The following ZFAND4 variants were observed in gnomAD, a reference collection of about 807,000 sequenced individuals.
ZFAND4 encodes AN1-type zinc finger protein 4.
A neutral mutation model predicts 64.4 loss-of-function variants in ZFAND4; 43 were observed. That is an observed-to-expected ratio of 0.67 (90% CI 0.52 to 0.86). ZFAND4 has a LOEUF of 0.86. ZFAND4 is among the 40% of genes least tolerant of loss of function. The probability of loss-of-function intolerance (pLI) is 0.00; values close to 1 mark genes in which losing one functional copy is unlikely to be tolerated. For synonymous variants in ZFAND4, 296 were observed against 305.7 expected (o/e 0.97, Z 0.33); for missense variants, 929 against 859.8 (o/e 1.08, Z -1.01).
intron 2 of ZFAND4, among the ~76,000 whole-genome samples, chr10:45,659,569 C>A (rs1351244840): frequency 2.0e-5 from 3 of 151,822 alleles, no homozygotes; most frequent in Admixed American, 6.6e-5. Flanking sequence ...TGGTTTTCAA[C>A]TAAAAATTAC....
intron 2 of ZFAND4, chr10:45,662,455 A>T: frequency 3.2e-6 from 1 of 308,712 alleles, no homozygotes; most frequent in Non-Finnish European, 4.7e-6. Flanking sequence ...AGAGATAAAA[A>T]GTACAGAGAT....
chr10:45,637,251 G>A (rs1200275736), intron 6 of ZFAND4, among the ~76,000 whole-genome samples: 1 of 147,160 alleles, frequency 6.8e-6, no homozygotes, highest in Non-Finnish European at 1.5e-5. Flanking sequence ...TGAGGCACGA[G>A]AATCACTTGA....
Position 45,639,877 on chromosome 10 carries a change from A to T in ZFAND4, c.656T>A (p.Ile219Lys), listed in dbSNP as rs1438371921. ...SSGQQIIENS[I>K]TMNKMKLLKA... The stretch of plus-strand genomic sequence containing the variant: ...CAGCAGCTTCATCTTATTCATAGTT[A>T]TTGAATTTTCAATTATCTGTTGCCC... The change falls in exon 6 of 10, where the codon ATA (isoleucine) becomes AAA (lysine). Residue 219 changes from isoleucine to lysine, a missense_variant. Ile to Lys is a moderately radical substitution (Grantham distance 102). Transcript: ENST00000344646. 14 of 1,613,396 alleles carry T rather than the reference A, an allele frequency of 8.7e-6. No individual in the cohort carries two copies. Among genetic ancestry groups the T allele is most frequent in the Non-Finnish European group, 1.2e-5 (14 of 1,179,890 alleles).
At chr10:45,670,225 ATTTT>A (rs202120323) in intron 1 of ZFAND4, among the ~76,000 whole-genome samples, 5,862 of 138,520 alleles carry the variant, frequency 0.042, 149 homozygotes, top group Non-Finnish European at 0.062. Flanking sequence ...CAACTATCTG[ATTTT>A]TTTTTTTTTT....
At position 45,626,717 on chromosome 10, in the gene ZFAND4, T is replaced by A. The variant is rs780053134; in HGVS notation, c.1106A>T (p.His369Leu). 2.5e-6 allele frequency: 4 copies of A among 1,614,182 alleles called. No homozygotes were observed. In the South Asian group the frequency reaches 4.4e-5, roughly 18 times the overall value. ...LGSSLPRQTKHFLGNLPSSNG... is the reference protein window; with the variant it reads ...LGSSLPRQTKLFLGNLPSSNG... ...ACTAGATGGCAAGTTTCCTAAAAAA[T>A]GTTTTGTTTGCCTAGGCAGGGATGA... Residue 369 changes from histidine to leucine, a missense_variant, in exon 7 of 10, where the codon CAT becomes CTT. By Grantham distance (99) the His-to-Leu change is moderately conservative (BLOSUM62 -3). Transcript: ENST00000344646.
intron 5 of ZFAND4, among the ~76,000 whole-genome samples, chr10:45,645,778 G>A (rs2047337550): frequency 6.6e-6 from 1 of 152,064 alleles, no homozygotes; most frequent in African/African-American, 2.4e-5. Flanking sequence ...CAAATTATAG[G>A]TCTAGCAGTG....
intron 1 of ZFAND4, among the ~76,000 whole-genome samples, chr10:45,671,082 C>T (rs964467221): frequency 2.6e-5 from 4 of 152,206 alleles, no homozygotes; most frequent in Admixed American, 6.5e-5. Flanking sequence ...TGAAAAAACA[C>T]TCATCATCAC....
chr10:45,632,603 T>C (rs2046302027), intron 6 of ZFAND4, among the ~76,000 whole-genome samples: 1 of 152,058 alleles, frequency 6.6e-6, no homozygotes, highest in South Asian at 2.1e-4. Flanking sequence ...AAAAGGCAGA[T>C]CAAGAACATG....
At chr10:45,629,175 C>G (rs1054363893) in intron 6 of ZFAND4, among the ~76,000 whole-genome samples, 1 of 152,080 alleles carries the variant, frequency 6.6e-6, no homozygotes, top group African/African-American at 2.4e-5. Context: ...CTCCCAGGGT[C>G]AATCGATCCT....
At chr10:45,665,239 T>C (rs978293540) in intron 1 of ZFAND4, among the ~76,000 whole-genome samples, 2 of 152,060 alleles carry the variant, frequency 1.3e-5, no homozygotes, top group Non-Finnish European at 2.9e-5. Flanking sequence ...TAAACCTTTT[T>C]AAAAATAGCT....
chr10:45,653,509 A>G (rs917389139), intron 2 of ZFAND4, among the ~76,000 whole-genome samples: 1 of 152,178 alleles, frequency 6.6e-6, no homozygotes, highest in Non-Finnish European at 1.5e-5. Context: ...GGCAAAGGAC[A>G]TGCATGAACA....
In ZFAND4 at chr10:45,648,431, T is replaced by C; in HGVS notation, c.432A>G (p.Val144=). 1 of 1,614,040 alleles carries C rather than the reference T, an allele frequency of 6.2e-7. No homozygotes were observed. Among genetic ancestry groups the C allele is most frequent in the South Asian group, 1.1e-5 (1 of 91,044 alleles). Residue 144 remains valine (V), a synonymous_variant, in exon 5 of 10, where the codon GTA becomes GTG. Transcript: ENST00000344646. ...TSCSKQVTFL[V]YQEGDQLNFF... is the part of the protein sequence containing the mutation. Reference sequence around the variant, plus strand: ...AATTCAATTGATCTCCTTCTTGGTATACCAAAAATGTAACTTGTTTGCTGC... The same window carrying C: ...AATTCAATTGATCTCCTTCTTGGTACACCAAAAATGTAACTTGTTTGCTGC...
At chr10:45,638,995 G>C (rs2046810864) in intron 6 of ZFAND4, among the ~76,000 whole-genome samples, 1 of 152,120 alleles carries the variant, frequency 6.6e-6, no homozygotes, top group Non-Finnish European at 1.5e-5. Flanking sequence ...GGAGTGAAAG[G>C]TCCTATTTTA....
intron 6 of ZFAND4, among the ~76,000 whole-genome samples, chr10:45,636,375 C>T (rs915390105): frequency 3.3e-5 from 5 of 152,136 alleles, no homozygotes; most frequent in African/African-American, 1.2e-4. Context: ...GTGACTCATA[C>T]CTGTAATCCC....
intron 6 of ZFAND4, among the ~76,000 whole-genome samples, chr10:45,632,881 T>C (rs1300614255): frequency 1.3e-5 from 2 of 152,106 alleles, no homozygotes; most frequent in East Asian, 1.9e-4. Flanking sequence ...AAAGGAAATA[T>C]GTAAAACAAA....
intron 5 of ZFAND4, among the ~76,000 whole-genome samples, chr10:45,642,299 C>T (rs537056976): frequency 5.3e-5 from 8 of 150,754 alleles, no homozygotes; most frequent in Middle Eastern, 3.5e-3. Context: ...TACATACACA[C>T]ATATATATAT....
chr10:45,661,906 C>T (rs1324443557), intron 2 of ZFAND4, among the ~76,000 whole-genome samples: 2 of 150,556 alleles, frequency 1.3e-5, no homozygotes, highest in Non-Finnish European at 2.9e-5. Flanking sequence ...CGCCATTCTC[C>T]AGCCTGCGCA....
chr10:45,647,302 C>G (rs2047449408), intron 5 of ZFAND4, among the ~76,000 whole-genome samples: 1 of 152,100 alleles, frequency 6.6e-6, no homozygotes, highest in Admixed American at 6.5e-5. Context: ...GATTCTCCTC[C>G]CCAGTCAAGC....
intron 6 of ZFAND4, among the ~76,000 whole-genome samples, chr10:45,632,072 T>C (rs1427046142): frequency 6.6e-6 from 1 of 152,098 alleles, no homozygotes; most frequent in African/African-American, 2.4e-5. Flanking sequence ...GGAATACAAT[T>C]GGCCGGGCAT....
Sources: gnomAD v4.1 joint callset for allele counts (sites outside exome capture counted in the v4.1 genomes callset) on GRCh38, gnomAD v4.1.1 for gene constraint, MANE v1.5 for transcripts, NCBI Gene and HGNC (gene_info 2026-07-23, HGNC 2026-07-21) for gene names.